KDM5A: variants seen among roughly 807,000 people sequenced by gnomAD.
The protein encoded by KDM5A is lysine-specific demethylase 5A.
Under a neutral mutation model 193.5 loss-of-function variants are expected in KDM5A, and 42 were observed. The observed-to-expected ratio is 0.22, with a 90% CI of 0.17 to 0.28. The LOEUF is 0.28. KDM5A is among the 10% of genes least tolerant of loss of function. KDM5A has a pLI of 1.00. For synonymous variants in KDM5A, 796 were observed against 718.1 expected, an observed-to-expected ratio of 1.11 and a Z score of -1.73; for missense variants, 1,692 against 2,055.1, an observed-to-expected ratio of 0.82 and a Z score of 3.42.
chr12:297,022 T>C lies in KDM5A; in HGVS notation c.4234+19A>G. 6.2e-7 allele frequency: 1 copy of C among 1,612,414 alleles called. No individual in the cohort carries two copies. The highest frequency in any genetic ancestry group is 1.1e-5 in the South Asian group (1 of 91,014). ...GGTTTTCTGCTTATGTTCCCCACAG[T>C]TTTTTAAAGGAGTAATACCTTGAGA... On this transcript the variant is annotated intron_variant, in intron 25 of 27. Coordinates refer to ENST00000399788, the MANE Select transcript of KDM5A (RefSeq NM_001042603.3).
At position 389,035 on chromosome 12, in the gene KDM5A, G is replaced by A. The variant is rs1467570671; in HGVS notation, c.57C>T (p.Cys19=). Residue 19 remains cysteine, a synonymous_variant, in exon 1 of 28, where the codon TGC becomes TGT. Coordinates refer to ENST00000399788, the MANE Select transcript of KDM5A (RefSeq NM_001042603.3). ...CCTCCCAACTCGGCTCAAAGACGGG[G>A]CACTCTGGCGGTGGCACGAACTCCG... ...YAAEFVPPPE[C]PVFEPSWEEF... The A allele has an allele frequency of 1.9e-6, 3 of 1,613,472 alleles. No homozygotes were observed. The highest frequency in any genetic ancestry group is 2.5e-6 in the Non-Finnish European group (3 of 1,179,838).
Position 307,460 on chromosome 12 carries a change from G to C in KDM5A, c.3924C>G (p.Asp1308Glu). The part of the protein sequence containing the change: ...AELQKAAANP[D>E]LQGHLPSFQQ... The stretch of plus-strand genomic sequence containing the variant: ...ATGTAAATCCTAAACTTGCCTGTAA[G>C]TCTGGATTGGCAGCTGCTTTTTGGA... The change falls in exon 23 of 28, where the codon GAC becomes GAG. Residue 1308 changes from aspartate to glutamate, a missense_variant. This residue lies in a region of KDM5A where 965 missense variants were observed against 1,061.0 expected (regional missense o/e 0.91). Transcript: ENST00000399788. The surrounding 1 kb of genome is among the most constrained non-coding windows in gnomAD (Gnocchi z 4.3). 6.2e-7 allele frequency: 1 copy of C among 1,612,892 alleles called. No individual in the cohort carries two copies. The highest frequency in any genetic ancestry group is 8.5e-7 in the Non-Finnish European group (1 of 1,179,950).
chr12:307,669 G>A lies in KDM5A; in HGVS notation c.3715C>T (p.Arg1239Trp), dbSNP rs1180218375. ...TGCAGGGCCTCTCCTTCAGGCAACC[G>A]TACGGGCAACTTCTGAAGGGATACC... ...LLVSLQKLPV[R>W]LPEGEALQCL... Residue 1239 changes from arginine (R) to tryptophan (W), a missense_variant, in exon 23 of 28, where the codon CGG (arginine) becomes TGG (tryptophan). Transcript: ENST00000399788. This position sits in a 1 kb window ranked among gnomAD's most constrained non-coding sequence, Gnocchi z 4.3. 5.0e-6 allele frequency: 8 copies of A among 1,614,158 alleles called. No individual in the cohort carries two copies. The Admixed American group carries it at 5.0e-5, about 10-fold the overall frequency.
intron 10 of KDM5A, among the ~76,000 whole-genome samples, chr12:337,563 G>C (rs1943950311): frequency 6.6e-6 from 1 of 151,774 alleles, no homozygotes; most frequent in Non-Finnish European, 1.5e-5. Context: ...CTGAGAATCT[G>C]AGATTTATCC....
At chr12:296,319 T>A (rs1347993249) in intron 25 of KDM5A, among the ~76,000 whole-genome samples, 2 of 127,384 alleles carry the variant, frequency 1.6e-5, no homozygotes, top group African/African-American at 5.9e-5. Context: ...AGAAACTCCA[T>A]CTCAAAAAAA....
Position 285,224 on chromosome 12 carries a change from G to C in KDM5A, c.*232C>G. The C allele has an allele frequency of 1.7e-6, 1 of 582,068 alleles. No homozygotes were observed. The highest frequency in any genetic ancestry group is 2.1e-5 in the South Asian group (1 of 48,094). 36.1% of individuals were successfully genotyped at this position (582,068 alleles called of 1,614,324 possible). A position where few individuals can be genotyped will look rare whatever the true frequency, so the allele number is the denominator to read the frequency against. On this transcript the variant is annotated 3_prime_UTR_variant, in exon 28 of 28. Coordinates refer to ENST00000399788, the MANE Select transcript of KDM5A (RefSeq NM_001042603.3). ...AATGCAGTAAACCACACTCAAAGGAGACATGAAATATTGGCTGTTGTACCA... is the reference window on the plus strand; with the variant it reads ...AATGCAGTAAACCACACTCAAAGGACACATGAAATATTGGCTGTTGTACCA...
rs753577181 is a variant in KDM5A at position 356,508 on chromosome 12, C to T, written c.702G>A (p.Thr234=). 8.1e-6 allele frequency: 13 copies of T among 1,613,030 alleles called. No homozygotes were observed. Among genetic ancestry groups the T allele is most frequent in the South Asian group, 7.7e-5 (7 of 91,064 alleles). The part of the protein sequence containing the change: ...QSESGDVSRN[T]ELKKLQIFGA... ...CAAAAATCTGAAGTTTCTTCAGTTCCGTGTTTCTACTCACATCTCCAGATT... is the reference window on the plus strand; with the variant it reads ...CAAAAATCTGAAGTTTCTTCAGTTCTGTGTTTCTACTCACATCTCCAGATT... Residue 234 remains threonine (T), a synonymous_variant, in exon 6 of 28, where the codon ACG becomes ACA. Coordinates refer to ENST00000399788, the MANE Select transcript of KDM5A (RefSeq NM_001042603.3).
intron 4 of KDM5A, among the ~76,000 whole-genome samples, chr12:365,026 A>G (rs1037364219): frequency 6.6e-6 from 1 of 152,146 alleles, no homozygotes; most frequent in Non-Finnish European, 1.5e-5. Context: ...AGCCATAAAA[A>G]TAAAGTACTG....
chr12:331,991 CAG>C, intron 12 of KDM5A, 53 bp from the exon 13 acceptor site: 4 of 1,510,264 alleles, frequency 2.6e-6, no homozygotes, highest in South Asian at 1.2e-5. Flanking sequence ...AAATAACAAA[CAG>C]AGGAAGACAG....
chr12:368,369 T>C (rs563875372), intron 3 of KDM5A, among the ~76,000 whole-genome samples: 4 of 152,100 alleles, frequency 2.6e-5, no homozygotes, highest in African/African-American at 4.8e-5. Context: ...TACAATTTTT[T>C]AAAAAAAGAT....
At chr12:302,579 C>G (rs1440348338) in intron 24 of KDM5A, among the ~76,000 whole-genome samples, 1 of 152,158 alleles carries the variant, frequency 6.6e-6, no homozygotes, top group Non-Finnish European at 1.5e-5. Context: ...TAGAAGAAAA[C>G]CTAGGCAACA....
chr12:351,911 C>T (rs960705413), intron 9 of KDM5A, among the ~76,000 whole-genome samples: 5 of 151,962 alleles, frequency 3.3e-5, no homozygotes, highest in East Asian at 1.9e-4. Flanking sequence ...CAAGACCAGC[C>T]TGACCAATAT....
chr12:292,006 G>A (rs1250944439), intron 27 of KDM5A, among the ~76,000 whole-genome samples: 3 of 151,132 alleles, frequency 2.0e-5, no homozygotes, highest in African/African-American at 4.9e-5. Flanking sequence ...GGGTTCAAGC[G>A]ATTCCCCTGC....
chr12:378,394 A>C (rs1329272849), intron 3 of KDM5A, among the ~76,000 whole-genome samples: 4 of 152,090 alleles, frequency 2.6e-5, no homozygotes, highest in Non-Finnish European at 4.4e-5. Flanking sequence ...AGTGGCTGTG[A>C]CTACAGGCGC....
chr12:330,978 G>C (rs1424216208), intron 13 of KDM5A, among the ~76,000 whole-genome samples: 1 of 151,936 alleles, frequency 6.6e-6, no homozygotes, highest in African/African-American at 2.4e-5. Context: ...AATACTTTTT[G>C]ATTATCTACT....
intron 2 of KDM5A, among the ~76,000 whole-genome samples, chr12:385,299 CTA>C: frequency 6.6e-6 from 1 of 151,732 alleles, no homozygotes; most frequent in South Asian, 2.1e-4. Flanking sequence ...CTTCTGTACT[CTA>C]AAAGTTTTCA....
At chr12:334,117 G>A (rs1242865623) in intron 11 of KDM5A, 124 bp downstream of exon 11, 3 of 894,618 alleles carry the variant, frequency 3.4e-6, no homozygotes, top group Admixed American at 4.8e-5. Flanking sequence ...ATAGGCCAAG[G>A]CTAGAAATTA....
chr12:370,172 C>T (rs1944407894), intron 3 of KDM5A, among the ~76,000 whole-genome samples: 1 of 152,192 alleles, frequency 6.6e-6, no homozygotes, highest in South Asian at 2.1e-4. Flanking sequence ...GCAGGTGGAT[C>T]ACCTGAGGTC....
intron 1 of KDM5A, 68 bp downstream of exon 1, chr12:388,859 A>C (rs1944685155): frequency 6.5e-7 from 1 of 1,530,540 alleles, no homozygotes; most frequent in Non-Finnish European, 9.1e-7. Context: ...CAGAAAAGTA[A>C]AGCTAAACCC....
Sources: gnomAD v4.1 joint callset for allele counts (sites outside exome capture counted in the v4.1 genomes callset) on GRCh38, gnomAD v4.1.1 for gene constraint, gnomAD v4.1.1 regional missense constraint, Gnocchi (gnomAD v3.1) non-coding constraint, MANE v1.5 for transcripts, NCBI Gene and HGNC (gene_info 2026-07-23, HGNC 2026-07-21) for gene names.